Variants in UBE2E2 observed in about 807,000 individuals in gnomAD.
The protein encoded by UBE2E2 is ubiquitin-conjugating enzyme E2 E2.
A neutral mutation model predicts 24.7 loss-of-function variants in UBE2E2; 6 were observed. The ratio of observed to expected loss-of-function variants is 0.24; its 90% confidence interval spans 0.13 to 0.48. The LOEUF (loss-of-function observed/expected upper bound fraction) is 0.48, where lower values mean the gene tolerates loss of function less well. Among genes scored for constraint, UBE2E2 ranks in the 20% least tolerant of loss-of-function variants. The pLI is 0.99. For synonymous variants in UBE2E2, 104 were observed against 83.6 expected (o/e 1.24, Z -1.33); for missense variants, 169 against 245.0 (o/e 0.69, Z 2.07).
chr3:23,231,362 A>G (rs1389171243), intron 3 of UBE2E2, among the ~76,000 whole-genome samples: 1 of 152,168 alleles, frequency 6.6e-6, no homozygotes, highest in Admixed American at 6.5e-5. Context: ...TTAGATTTGT[A>G]GGAAGAGGAG....
At chr3:23,329,802 TC>T (rs1329662328) in intron 3 of UBE2E2, among the ~76,000 whole-genome samples, 1 of 152,210 alleles carries the variant, frequency 6.6e-6, no homozygotes, top group African/African-American at 2.4e-5. Context: ...TCCCAGGAAA[TC>T]CCCACCATCT....
intron 3 of UBE2E2, among the ~76,000 whole-genome samples, chr3:23,375,085 A>C (rs192846736): frequency 6.6e-6 from 1 of 152,228 alleles, no homozygotes. Context: ...AGATATAAAA[A>C]AAAAATCAGA....
chr3:23,460,152 G>A (rs1485617683), intron 3 of UBE2E2, among the ~76,000 whole-genome samples: 1 of 152,130 alleles, frequency 6.6e-6, no homozygotes, highest in African/African-American at 2.4e-5. Context: ...CATCTGGTTG[G>A]CACCTTGAGC....
intron 4 of UBE2E2, among the ~76,000 whole-genome samples, chr3:23,514,094 A>G (rs777165307): frequency 6.6e-6 from 1 of 152,156 alleles, no homozygotes; most frequent in Non-Finnish European, 1.5e-5. Context: ...CATCACATGC[A>G]GGCCCTCCTA....
At chr3:23,494,146 A>C (rs562219068) in intron 3 of UBE2E2, among the ~76,000 whole-genome samples, 7 of 152,314 alleles carry the variant, frequency 4.6e-5, no homozygotes, top group African/African-American at 1.7e-4. Flanking sequence ...TCTGGCACCA[A>C]ATTTTATTTG....
intron 2 of UBE2E2, among the ~76,000 whole-genome samples, chr3:23,215,462 A>G (rs149040887): frequency 3.3e-5 from 5 of 152,070 alleles, no homozygotes; most frequent in African/African-American, 9.6e-5. Flanking sequence ...CTCACCCCCA[A>G]TGTCTGATAC....
At chr3:23,222,506 G>A (rs954279932) in intron 3 of UBE2E2, among the ~76,000 whole-genome samples, 3 of 152,102 alleles carry the variant, frequency 2.0e-5, no homozygotes, top group Admixed American at 1.3e-4. Context: ...TAATGAATAA[G>A]TCTCACGAGA....
chr3:23,211,466 G>A (rs1416771049), intron 2 of UBE2E2, among the ~76,000 whole-genome samples: 1 of 150,278 alleles, frequency 6.7e-6, no homozygotes, highest in Admixed American at 6.6e-5. Flanking sequence ...GAGTGCAGTG[G>A]TATGATCTCC....
intron 3 of UBE2E2, among the ~76,000 whole-genome samples, chr3:23,354,705 CA>C (rs1166737958): frequency 2.6e-5 from 4 of 152,128 alleles, no homozygotes; most frequent in African/African-American, 9.7e-5. Context: ...GTTAGAATGG[CA>C]ATCACTAAAA....
chr3:23,334,257 A>G (rs1465174238), intron 3 of UBE2E2, among the ~76,000 whole-genome samples: 1 of 152,086 alleles, frequency 6.6e-6, no homozygotes, highest in African/African-American at 2.4e-5. Flanking sequence ...TTCCTCATCT[A>G]CTTTATTCTA....
chr3:23,353,784 T>A (rs1695841043), intron 3 of UBE2E2, among the ~76,000 whole-genome samples: 1 of 151,142 alleles, frequency 6.6e-6, no homozygotes, highest in Non-Finnish European at 1.5e-5. Context: ...GTAGGAAGAA[T>A]CAATATCGTG....
intron 3 of UBE2E2, among the ~76,000 whole-genome samples, chr3:23,362,694 C>G (rs1696151798): frequency 1.3e-5 from 2 of 152,132 alleles, no homozygotes; most frequent in Non-Finnish European, 2.9e-5. Context: ...AGTCCAGCTT[C>G]TGTGTGAACT....
At chr3:23,461,958 C>G (rs1268121835) in intron 3 of UBE2E2, among the ~76,000 whole-genome samples, 1 of 152,090 alleles carries the variant, frequency 6.6e-6, no homozygotes, top group Non-Finnish European at 1.5e-5. Context: ...GTATAACAAA[C>G]TAATTTCATC....
Position 23,280,878 on chromosome 3 carries a change from G to A in UBE2E2, c.227+63566G>A, listed in dbSNP as rs1698476826. The stretch of plus-strand genomic sequence containing the variant: ...CTGCTGTAACAGAATAAGTCTGGGT[G>A]GCTTAAACAGCATTTATTTCTCACA... On this transcript the variant is annotated intron_variant, in intron 3 of 5. Transcript: ENST00000396703. This position sits in a 1 kb window ranked among gnomAD's most constrained non-coding sequence, Gnocchi z 4.3. 6.6e-6 allele frequency among the ~76,000 whole-genome samples: 1 copy of A among 152,142 alleles called. No homozygotes were observed. Among genetic ancestry groups the A allele is most frequent in the African/African-American group, 2.4e-5 (1 of 41,412 alleles).
intron 3 of UBE2E2, among the ~76,000 whole-genome samples, chr3:23,252,748 C>T (rs1231045652): frequency 6.6e-6 from 1 of 152,174 alleles, no homozygotes; most frequent in African/African-American, 2.4e-5. Context: ...CCACCCACCT[C>T]GGTCTCCCAA....
intron 3 of UBE2E2, among the ~76,000 whole-genome samples, chr3:23,299,703 C>T (rs907893162): frequency 7.9e-5 from 12 of 152,082 alleles, no homozygotes; most frequent in Non-Finnish European, 1.2e-4. Context: ...TTTACTTCCA[C>T]CTATGTGGTC....
chr3:23,268,215 G>A (rs36173426), intron 3 of UBE2E2, among the ~76,000 whole-genome samples: 9,872 of 148,334 alleles, frequency 0.067, 468 homozygotes, highest in Non-Finnish European at 0.09. Context: ...GGGCAATTAG[G>A]CAGGAGAAGG....
At chr3:23,272,028 G>A (rs966935612) in intron 3 of UBE2E2, among the ~76,000 whole-genome samples, 1 of 152,198 alleles carries the variant, frequency 6.6e-6, no homozygotes, top group Non-Finnish European at 1.5e-5. Context: ...CACGGCGCCT[G>A]CACTTCTCAG....
chr3:23,433,215 C>G (rs1698106950), intron 3 of UBE2E2, among the ~76,000 whole-genome samples: 1 of 151,762 alleles, frequency 6.6e-6, no homozygotes, highest in Admixed American at 6.6e-5. Context: ...ATACTCATAT[C>G]TTTTCTCCCA....
Sources: allele counts gnomAD v4.1 joint callset (sites outside exome capture counted in the v4.1 genomes callset), GRCh38; gene constraint gnomAD v4.1.1; non-coding constraint Gnocchi (gnomAD v3.1); transcripts MANE v1.5; gene names NCBI Gene and HGNC (gene_info 2026-07-23, HGNC 2026-07-21).